Variants in CIAO3 observed in about 807,000 individuals in gnomAD.
CIAO3 encodes the protein LET1 like/JFP15.
Under a neutral mutation model 51.5 loss-of-function variants are expected in CIAO3, and 45 were observed. That is an observed-to-expected ratio of 0.87 (90% CI 0.69 to 1.12). The LOEUF is 1.12. CIAO3 is among the 50% of genes most tolerant of loss of function. The pLI, the probability that CIAO3 is intolerant of heterozygous loss-of-function variation, is 0.00. For missense variants in CIAO3, 668 were observed against 632.5 expected (o/e 1.06, Z -0.60); for synonymous variants, 314 against 269.3 (o/e 1.17, Z -1.63).
rs2041263621 is a variant in CIAO3, at chr16:730,571, A to G, written c.1277T>C (p.Met426Thr). The G allele has an allele frequency of 1.2e-6, 2 of 1,611,082 alleles. No homozygotes were observed. The highest frequency in any genetic ancestry group is 1.1e-5 in the South Asian group (1 of 91,092). The change falls in exon 11 of 11, where the codon ATG becomes ACG. Residue 426 changes from methionine to threonine, a missense_variant. Transcript: ENST00000251588. ...GTCCTCGGGCGCCTCAGCCCGGACC[A>G]TGCCGTACAGTCTCTCCACGTGCTG... Reference protein sequence around the residue: ...LLQHVERLYGMVRAEAPEDAP... With the variant: ...LLQHVERLYGTVRAEAPEDAP...
chr16:730,901 C>G lies in CIAO3; in HGVS notation c.1134G>C (p.Gln378His). ...YGFRNIQNLVQRLKRGRCPYH... is the reference protein window; with the variant it reads ...YGFRNIQNLVHRLKRGRCPYH... Reference sequence around the variant, plus strand: ...AGGGGCAGCGCCCTCGTTTGAGCCTCTGCACCAGGTTCTGGATGTTGCGGA... The same window carrying G: ...AGGGGCAGCGCCCTCGTTTGAGCCTGTGCACCAGGTTCTGGATGTTGCGGA... The change falls in exon 10 of 11, where the codon CAG becomes CAC. Residue 378 changes from glutamine (Q) to histidine (H), a missense_variant. By Grantham distance (24) the Gln-to-His change is conservative (BLOSUM62 0). Transcript: ENST00000251588. 1.9e-6 allele frequency: 3 copies of G among 1,612,954 alleles called. No homozygotes were observed. Among genetic ancestry groups the G allele is most frequent in the Non-Finnish European group, 2.5e-6 (3 of 1,180,014 alleles).
At chr16:733,575 G>C in intron 6 of CIAO3, 148 bp from the exon 7 acceptor site, 1 of 1,217,162 alleles carries the variant, frequency 8.2e-7, no homozygotes, top group East Asian at 2.5e-5. Context: ...TGCCGGCTCT[G>C]CGGATGTGTC....
chr16:738,258 G>A (rs2151604124), intron 2 of CIAO3: 1 of 987,752 alleles, frequency 1.0e-6, no homozygotes, highest in South Asian at 4.7e-5. Context: ...CCCAGTGCTG[G>A]GCTGGAAATC....
chr16:738,349 CTTTTTT>C (rs398058032), intron 2 of CIAO3: 19 of 838,924 alleles, frequency 2.3e-5, no homozygotes, highest in Non-Finnish European at 2.5e-5. Context: ...TTAATAGTTT[CTTTTTT>C]TTTTTTTTTT....
At chr16:738,859 G>C (rs996040741) in intron 2 of CIAO3, among the ~76,000 whole-genome samples, 1 of 144,504 alleles carries the variant, frequency 6.9e-6, no homozygotes, top group African/African-American at 2.6e-5. Flanking sequence ...GGCTGGTCTC[G>C]AACTCCTGAC....
Position 737,505 on chromosome 16 carries a change from A to G in CIAO3, c.163-176T>C, listed in dbSNP as rs1451109537. 10 of 1,523,834 alleles carry G rather than the reference A, an allele frequency of 6.6e-6. No homozygotes were observed. In the Admixed American group the frequency reaches 1.2e-4, roughly 18 times the overall value. The allele number at this position is 1,523,834 out of a possible 1,614,324, so 94.4% of individuals were successfully genotyped here. ...ACAAAAATGCACACGCACGCTCTAC[A>G]GTTTCATAATGCCGTCAAGTCTGCT... On this transcript the variant is annotated intron_variant, in intron 2 of 10. Transcript: ENST00000251588. The surrounding 1 kb of genome is among the most constrained non-coding windows in gnomAD (Gnocchi z 5.3).
intron 5 of CIAO3, 163 bp from the exon 6 acceptor site, chr16:734,510 C>A: frequency 1.1e-6 from 1 of 872,336 alleles, no homozygotes; most frequent in Non-Finnish European, 1.8e-6. Context: ...CGGAGCTCGG[C>A]GTGCAGGCGA....
rs780813481 is a variant in CIAO3 at position 736,056 on chromosome 16, G to A, written c.439+210C>T. On this transcript the variant is annotated intron_variant, in intron 4 of 10. Transcript: ENST00000251588. ...AGCCCCAGCTTAGAGAAAGTGCACA[G>A]TCAGAATGCAGACGTGTTCTGTGAG... Among the ~76,000 whole-genome samples the A allele has an allele frequency of 9.2e-5, 14 of 152,316 alleles. 1 individual carries two copies. The South Asian group carries it at 2.5e-3, about 27-fold the overall frequency.
At position 730,361 on chromosome 16, in the gene CIAO3, G is replaced by GTGGTTC; in HGVS notation, c.*50_*55dup. The GTGGTTC allele has an allele frequency of 6.5e-7, 1 of 1,532,380 alleles. No homozygotes were observed. Among genetic ancestry groups the GTGGTTC allele is most frequent in the Non-Finnish European group, 8.9e-7 (1 of 1,124,838 alleles). The allele number at this position is 1,532,380 out of a possible 1,614,324, so 94.9% of individuals were successfully genotyped here. On this transcript the variant is annotated 3_prime_UTR_variant, in exon 11 of 11. Coordinates refer to ENST00000251588, the MANE Select transcript of CIAO3 (RefSeq NM_022493.3). ...GGGAAGCCCTGGGGTCTTGGGGCAT[G>GTGGTTC]TGGTTCTGCTGTCACACATGGACAC...
At chr16:734,154 C>T (rs1453985301) in intron 6 of CIAO3, 75 bp downstream of exon 6, 3 of 1,325,320 alleles carry the variant, frequency 2.3e-6, no homozygotes, top group African/African-American at 2.9e-5. Flanking sequence ...TTCCTGCAGC[C>T]TCATGGCAAG....
In CIAO3 at chr16:737,009, G is replaced by T; in HGVS notation, c.306+177C>A. 1.3e-6 allele frequency: 1 copy of T among 753,560 alleles called. No individual in the cohort carries two copies. The highest frequency in any genetic ancestry group is 2.1e-6 in the Non-Finnish European group (1 of 466,164). The allele number at this position is 753,560 out of a possible 1,614,324, so 46.7% of individuals were successfully genotyped here. On this transcript the variant is annotated intron_variant, in intron 3 of 10. Coordinates refer to ENST00000251588, the MANE Select transcript of CIAO3 (RefSeq NM_022493.3). This position sits in a 1 kb window ranked among gnomAD's most constrained non-coding sequence, Gnocchi z 5.3. ...ATTTAGAACCTGAAGTTTGGGGCCT[G>T]ACACGTTCACCACTGGAGCCCACTG...
intron 7 of CIAO3, chr16:733,077 A>C (rs975196955): frequency 3.6e-6 from 2 of 562,918 alleles, no homozygotes; most frequent in East Asian, 6.1e-5. Flanking sequence ...ACAAGGAGGT[A>C]TTACTGAGCG....
chr16:733,970 A>C (rs2041311991), intron 6 of CIAO3: 1 of 480,222 alleles, frequency 2.1e-6, no homozygotes, highest in Non-Finnish European at 3.8e-6. Flanking sequence ...CCAGGCCCGG[A>C]CTGCCCAGGG....
At position 737,079 on chromosome 16, in the gene CIAO3, G is replaced by C. The variant is rs1044365269; in HGVS notation, c.306+107C>G. On this transcript the variant is annotated intron_variant, in intron 3 of 10. Coordinates refer to ENST00000251588, the MANE Select transcript of CIAO3 (RefSeq NM_022493.3). This position sits in a 1 kb window ranked among gnomAD's most constrained non-coding sequence, Gnocchi z 5.3. ...AGCCTCAAAAAGGCAGGCGCCACCCGCACGACGGACGTCGGCACCACACGA... is the reference window on the plus strand; with the variant it reads ...AGCCTCAAAAAGGCAGGCGCCACCCCCACGACGGACGTCGGCACCACACGA... 7.5e-6 allele frequency: 11 copies of C among 1,468,464 alleles called. No individual in the cohort carries two copies. In the African/African-American group the frequency reaches 1.4e-4, roughly 19 times the overall value. The allele number at this position is 1,468,464 out of a possible 1,614,324, so 91.0% of individuals were successfully genotyped here.
intron 6 of CIAO3, chr16:733,984 C>T: frequency 7.9e-6 from 4 of 507,740 alleles, no homozygotes; most frequent in Non-Finnish European, 1.1e-5. Context: ...CCCAGGGCCT[C>T]CTGCTCCCTC....
chr16:731,717 G>T lies in CIAO3; in HGVS notation c.897-15C>A. 1 of 1,543,316 alleles carries T rather than the reference G, an allele frequency of 6.5e-7. No individual in the cohort carries two copies. On this transcript the variant is annotated splice_polypyrimidine_tract_variant and intron_variant, in intron 8 of 10. Coordinates refer to ENST00000251588, the MANE Select transcript of CIAO3 (RefSeq NM_022493.3). ...CACCGCTGCACCTGGCAAGGAGGGAGGGGCCTCAGCACAGCTGGGGCTGCT... is the reference window on the plus strand; with the variant it reads ...CACCGCTGCACCTGGCAAGGAGGGATGGGCCTCAGCACAGCTGGGGCTGCT...
intron 8 of CIAO3, 86 bp from the exon 9 acceptor site, chr16:731,788 G>GTT: frequency 7.1e-7 from 1 of 1,415,286 alleles, no homozygotes; most frequent in Non-Finnish European, 9.2e-7. Flanking sequence ...ACACATGAGC[G>GTT]TTTGCATTTC....
At chr16:734,641 C>T (rs2041319586) in intron 5 of CIAO3, 96 bp downstream of exon 5, 2 of 1,595,908 alleles carry the variant, frequency 1.3e-6, no homozygotes, top group African/African-American at 2.7e-5. Flanking sequence ...TGCGTCTCCA[C>T]CCCCCATGCC....
Position 730,076 on chromosome 16 carries a change from C to A in CIAO3, c.*341G>T. The A allele has an allele frequency of 2.3e-6, 1 of 437,922 alleles. No homozygotes were observed. Among genetic ancestry groups the A allele is most frequent in the Non-Finnish European group, 4.2e-6 (1 of 240,262 alleles). The allele number at this position is 437,922 out of a possible 1,614,324, so 27.1% of individuals were successfully genotyped here. On this transcript the variant is annotated 3_prime_UTR_variant, in exon 11 of 11. Coordinates refer to ENST00000251588, the MANE Select transcript of CIAO3 (RefSeq NM_022493.3). Reference sequence around the variant, plus strand: ...TGCTCTGCCTCAGGCAACCCCGGGACAGGCTGAAGCCCCTCACGCACTTGG... The same window carrying A: ...TGCTCTGCCTCAGGCAACCCCGGGAAAGGCTGAAGCCCCTCACGCACTTGG...
Sources: allele counts gnomAD v4.1 joint callset (sites outside exome capture counted in the v4.1 genomes callset), GRCh38; gene constraint gnomAD v4.1.1; non-coding constraint Gnocchi (gnomAD v3.1); transcripts MANE v1.5; gene names NCBI Gene and HGNC (gene_info 2026-07-23, HGNC 2026-07-21).